Variants in ZNF385B observed in about 807,000 individuals in gnomAD.
The protein encoded by ZNF385B is zinc finger protein 533.
ZNF385B carries 23 observed loss-of-function variants against 39.2 expected under a neutral mutation model. That is an observed-to-expected ratio of 0.59 (90% CI 0.42 to 0.83). The LOEUF (loss-of-function observed/expected upper bound fraction) is 0.83. Ranked by LOEUF, ZNF385B falls within the 40% of genes least tolerant of loss-of-function variation. The pLI, the probability that ZNF385B is intolerant of heterozygous loss-of-function variation, is 0.00. For synonymous variants in ZNF385B, 205 were observed against 222.6 expected, an observed-to-expected ratio of 0.92 and a Z score of 0.70; for missense variants, 552 against 598.9, an observed-to-expected ratio of 0.92 and a Z score of 0.82.
At chr2:179,458,123 A>T (rs922456804) in intron 6 of ZNF385B, among the ~76,000 whole-genome samples, 1 of 152,200 alleles carries the variant, frequency 6.6e-6, no homozygotes, top group Non-Finnish European at 1.5e-5. Flanking sequence ...ATGCCATAGA[A>T]AGCATACCAT....
intron 6 of ZNF385B, among the ~76,000 whole-genome samples, chr2:179,470,902 T>G (rs2052700514): frequency 1.1e-5 from 1 of 90,736 alleles, no homozygotes; most frequent in South Asian, 4.6e-4. Context: ...GGATGAGGTT[T>G]CCCTCTCCTC....
At chr2:179,555,208 C>T (rs1157719411) in intron 3 of ZNF385B, among the ~76,000 whole-genome samples, 1 of 149,498 alleles carries the variant, frequency 6.7e-6, no homozygotes, top group Non-Finnish European at 1.5e-5. Context: ...GCAAGCATAA[C>T]GTTGAAGAAA....
At chr2:179,624,562 A>C (rs1397460653) in intron 3 of ZNF385B, among the ~76,000 whole-genome samples, 2 of 152,238 alleles carry the variant, frequency 1.3e-5, no homozygotes, top group Non-Finnish European at 2.9e-5. Flanking sequence ...AATCAGCAAA[A>C]GCTGGTGATT....
rs544308678 is a variant in ZNF385B at position 179,726,524 on chromosome 2, A to T, written c.298+42979T>A. Among the ~76,000 whole-genome samples, 9 of 152,164 alleles carry T rather than the reference A, an allele frequency of 5.9e-5. No homozygotes were observed. The South Asian group carries it at 1.9e-3, about 32-fold the overall frequency. ...ACTGAAGCAATTTTTCATACGGTAA[A>T]TGTGATTATACATAAAGCACTTAAC... On this transcript the variant is annotated intron_variant, in intron 3 of 9. Transcript: ENST00000410066.
At position 179,524,551 on chromosome 2, in the gene ZNF385B, C is replaced by CAAAAAAAAAAAAAAAAAAAAAAAAAAAAA. The variant is rs770219234; in HGVS notation, c.442-5942_442-5914dup. ...TGGGTGACAGAGCGAGACTCCGTCT[C>CAAAAAAAAAAAAAAAAAAAAAAAAAAAAA]AAAAAAAAAAAAAAAAAAAAAAAAA... On this transcript the variant is annotated intron_variant, in intron 4 of 9. Coordinates refer to ENST00000410066, the MANE Select transcript of ZNF385B (RefSeq NM_152520.6). 3.3e-5 allele frequency among the ~76,000 whole-genome samples: 2 copies of CAAAAAAAAAAAAAAAAAAAAAAAAAAAAA among 60,990 alleles called. 1 individual carries two copies. Among genetic ancestry groups the CAAAAAAAAAAAAAAAAAAAAAAAAAAAAA allele is most frequent in the African/African-American group, 1.6e-4 (2 of 12,896 alleles). The allele number at this position is 60,990 out of a possible 152,430, so 40.0% of individuals were successfully genotyped here. A position where few individuals can be genotyped will look rare whatever the true frequency, so the allele number is the denominator to read the frequency against.
At chr2:179,849,587 G>A (rs1034726009) in intron 1 of ZNF385B, among the ~76,000 whole-genome samples, 2 of 152,212 alleles carry the variant, frequency 1.3e-5, no homozygotes, top group Admixed American at 6.5e-5. Flanking sequence ...GGGTCCAGAA[G>A]TGAAAGAATA....
intron 1 of ZNF385B, among the ~76,000 whole-genome samples, chr2:179,778,302 C>A (rs1483729600): frequency 1.3e-5 from 2 of 152,154 alleles, no homozygotes; most frequent in Non-Finnish European, 2.9e-5. Context: ...AACATAAAAA[C>A]CTGGGCAAGG....
At chr2:179,854,334 T>C (rs991602074) in intron 1 of ZNF385B, among the ~76,000 whole-genome samples, 3 of 152,164 alleles carry the variant, frequency 2.0e-5, no homozygotes, top group Non-Finnish European at 2.9e-5. Context: ...TGGGTCTCAT[T>C]TTTCTAATTT....
chr2:179,826,001 G>C lies in ZNF385B; in HGVS notation c.-155+35100C>G, dbSNP rs1707661913. Among the ~76,000 whole-genome samples the C allele has an allele frequency of 2.0e-5, 3 of 152,034 alleles. No homozygotes were observed. In the South Asian group the frequency reaches 6.2e-4, roughly 32 times the overall value. On this transcript the variant is annotated intron_variant, in intron 1 of 9. Transcript: ENST00000410066. ...GGCAGCTTTATTGACACTAAATTTT[G>C]GGTATTCTCCTTTTTAACACCTCTT...
At chr2:179,835,280 C>T (rs1192909166) in intron 1 of ZNF385B, among the ~76,000 whole-genome samples, 3 of 152,138 alleles carry the variant, frequency 2.0e-5, no homozygotes, top group Non-Finnish European at 4.4e-5. Context: ...CAAACTGTTT[C>T]CAATTGTTGA....
At chr2:179,751,532 C>A (rs1702675491) in intron 3 of ZNF385B, among the ~76,000 whole-genome samples, 1 of 152,048 alleles carries the variant, frequency 6.6e-6, no homozygotes, top group East Asian at 1.9e-4. Flanking sequence ...GTATTTAAAA[C>A]CCTACACACA....
intron 5 of ZNF385B, among the ~76,000 whole-genome samples, chr2:179,503,398 T>C (rs1020361505): frequency 2.0e-5 from 3 of 152,230 alleles, no homozygotes; most frequent in Non-Finnish European, 2.9e-5. Flanking sequence ...TCCAATTTAA[T>C]AAGAATTTAC....
chr2:179,692,212 G>A (rs1055315224), intron 3 of ZNF385B, among the ~76,000 whole-genome samples: 6 of 152,056 alleles, frequency 3.9e-5, no homozygotes, highest in African/African-American at 7.2e-5. Flanking sequence ...AGTGCTGAAG[G>A]GGTGGGTCAC....
chr2:179,698,730 A>C (rs1388877773), intron 3 of ZNF385B, among the ~76,000 whole-genome samples: 3 of 152,176 alleles, frequency 2.0e-5, no homozygotes, highest in Non-Finnish European at 4.4e-5. Context: ...ATCTAATACA[A>C]CTTCCAGATA....
At chr2:179,604,934 C>G (rs545683894) in intron 3 of ZNF385B, among the ~76,000 whole-genome samples, 1 of 152,140 alleles carries the variant, frequency 6.6e-6, no homozygotes, top group Admixed American at 6.5e-5. Context: ...AAGCAAGGTA[C>G]ATAACTGACA....
At chr2:179,506,213 A>C (rs976851958) in intron 5 of ZNF385B, among the ~76,000 whole-genome samples, 1 of 152,148 alleles carries the variant, frequency 6.6e-6, no homozygotes, top group Non-Finnish European at 1.5e-5. Context: ...ATTTGAAATC[A>C]ATAATGATAG....
chr2:179,675,841 G>A (rs75961162), intron 3 of ZNF385B, among the ~76,000 whole-genome samples: 8,966 of 151,136 alleles, frequency 0.059, 295 homozygotes, highest in Middle Eastern at 0.075. Context: ...AGGCTAGAGT[G>A]CAGTGGCATG....
At chr2:179,756,820 A>T (rs990092310) in intron 3 of ZNF385B, among the ~76,000 whole-genome samples, 3 of 152,110 alleles carry the variant, frequency 2.0e-5, no homozygotes, top group African/African-American at 7.2e-5. Flanking sequence ...CCATCAGGTC[A>T]TTTAAGGACT....
intron 1 of ZNF385B, among the ~76,000 whole-genome samples, chr2:179,805,735 A>C (rs1010119304): frequency 2.6e-5 from 4 of 152,176 alleles, no homozygotes; most frequent in African/African-American, 9.7e-5. Context: ...CCTGGCATTC[A>C]GTAAGACCTA....
Sources: gnomAD v4.1 joint callset for allele counts (sites outside exome capture counted in the v4.1 genomes callset) on GRCh38, gnomAD v4.1.1 for gene constraint, MANE v1.5 for transcripts, NCBI Gene and HGNC (gene_info 2026-07-23, HGNC 2026-07-21) for gene names.